Variants in PDE1A observed in about 807,000 individuals in gnomAD.
PDE1A encodes phosphodiesterase 1A.
In PDE1A, 35 loss-of-function variants were observed where a neutral mutation model predicts 61.7. The observed-to-expected ratio is 0.57, with a 90% CI of 0.43 to 0.75. The LOEUF (loss-of-function observed/expected upper bound fraction) is 0.75. Among genes scored for constraint, PDE1A ranks in the 30% least tolerant of loss-of-function variants. The pLI is 0.00. For synonymous variants in PDE1A, 232 were observed against 213.2 expected (o/e 1.09, Z -0.77); for missense variants, 597 against 630.6 (o/e 0.95, Z 0.57).
At chr2:182,510,538 T>G (rs1473395186) in intron 2 of PDE1A, among the ~76,000 whole-genome samples, 1 of 152,168 alleles carries the variant, frequency 6.6e-6, no homozygotes, top group African/African-American at 2.4e-5. Context: ...CAGCATTTTC[T>G]AAAATGAGTC....
chr2:182,148,397 G>A (rs538387245), intron 13 of PDE1A, among the ~76,000 whole-genome samples: 1 of 152,286 alleles, frequency 6.6e-6, no homozygotes, highest in Non-Finnish European at 1.5e-5. Context: ...CAGCAGTGTT[G>A]TAGGATGGCT....
intron 1 of PDE1A, among the ~76,000 whole-genome samples, chr2:182,344,192 GC>G (rs1282386137): frequency 1.3e-5 from 2 of 151,904 alleles, no homozygotes; most frequent in African/African-American, 4.8e-5. Flanking sequence ...TATTTTTGAA[GC>G]CATCACTGAA....
At chr2:182,292,715 ATAAAT>A (rs1344930656) in intron 1 of PDE1A, among the ~76,000 whole-genome samples, 4 of 152,070 alleles carry the variant, frequency 2.6e-5, no homozygotes, top group African/African-American at 9.7e-5. Flanking sequence ...TCAGGAGAAC[ATAAAT>A]TAAGTAGTAA....
At chr2:182,187,776 ACT>A (rs1488105809) in intron 11 of PDE1A, among the ~76,000 whole-genome samples, 2 of 110,622 alleles carry the variant, frequency 1.8e-5, no homozygotes, top group African/African-American at 3.7e-5. Context: ...ATGGAGTCTC[ACT>A]CTGTTGCCCA....
intron 2 of PDE1A, among the ~76,000 whole-genome samples, chr2:182,503,511 C>T (rs1369161531): frequency 2.0e-5 from 3 of 152,138 alleles, no homozygotes; most frequent in Non-Finnish European, 2.9e-5. Context: ...TTTCTCCTAC[C>T]TGTACTACAG....
intron 1 of PDE1A, among the ~76,000 whole-genome samples, chr2:182,402,028 A>C (rs1702028409): frequency 1.3e-5 from 2 of 152,190 alleles, no homozygotes; most frequent in Non-Finnish European, 2.9e-5. Context: ...ATGAGAAGAC[A>C]CAAACAAATG....
At chr2:182,443,626 G>A (rs1385968884) in intron 2 of PDE1A, among the ~76,000 whole-genome samples, 2 of 151,706 alleles carry the variant, frequency 1.3e-5, no homozygotes, top group African/African-American at 4.8e-5. Context: ...AGTTTCGTAT[G>A]GCCTCCCCAG....
intron 2 of PDE1A, among the ~76,000 whole-genome samples, chr2:182,506,728 GT>G (rs1689436312): frequency 6.6e-6 from 1 of 152,182 alleles, no homozygotes; most frequent in African/African-American, 2.4e-5. Context: ...TGTCTTTGTG[GT>G]TGCAAAGAGG....
In PDE1A at chr2:182,339,226, G is replaced by A. The variant is rs142236550; in HGVS notation, c.54-74812C>T. Among the ~76,000 whole-genome samples the A allele has an allele frequency of 2.0e-4, 30 of 152,184 alleles. No individual in the cohort carries two copies. In the East Asian group the frequency reaches 5.8e-3, roughly 29 times the overall value. On this transcript the variant is annotated intron_variant, in intron 1 of 13. Coordinates refer to ENST00000351439, the Ensembl canonical transcript of PDE1A. The stretch of plus-strand genomic sequence containing the variant: ...ACCACTTCCACTTGTTTAATAGATT[G>A]TGAAGACTTTCAATGAAATTTGTAT...
chr2:182,161,084 T>C (rs563995485), intron 13 of PDE1A, among the ~76,000 whole-genome samples: 198 of 152,282 alleles, frequency 1.3e-3, no homozygotes, highest in Non-Finnish European at 2.1e-3. Flanking sequence ...ATGAAGTTAG[T>C]TGGGTGCTCT....
At chr2:182,380,749 T>A (rs1700687469) in intron 1 of PDE1A, among the ~76,000 whole-genome samples, 1 of 152,226 alleles carries the variant, frequency 6.6e-6, no homozygotes, top group South Asian at 2.1e-4. Context: ...ATAAGGATTA[T>A]TATTTGAGGA....
the PDE1A span, among the ~76,000 whole-genome samples, chr2:182,565,187 T>C: frequency 6.6e-6 from 1 of 152,302 alleles, no homozygotes; most frequent in African/African-American, 2.4e-5. Context: ...TGTGGTTTTA[T>C]CTACTTTTGG....
intron 2 of PDE1A, among the ~76,000 whole-genome samples, chr2:182,451,440 T>C (rs1685512527): frequency 6.6e-6 from 1 of 151,934 alleles, no homozygotes; most frequent in African/African-American, 2.4e-5. Context: ...AGTATGTATG[T>C]GGACATATGA....
At chr2:182,634,334 C>T in the PDE1A span, among the ~76,000 whole-genome samples, 1 of 152,064 alleles carries the variant, frequency 6.6e-6, no homozygotes, top group Non-Finnish European at 1.5e-5. Context: ...TAGTGTGAAC[C>T]ACACGTAATG....
intron 2 of PDE1A, among the ~76,000 whole-genome samples, chr2:182,467,057 A>G (rs1291768858): frequency 6.6e-6 from 1 of 151,766 alleles, no homozygotes; most frequent in Non-Finnish European, 1.5e-5. Context: ...TATCTTGGGA[A>G]GGAGAAAGAA....
At chr2:182,534,800 G>A in the PDE1A span, among the ~76,000 whole-genome samples, 1 of 151,332 alleles carries the variant, frequency 6.6e-6, no homozygotes, top group Non-Finnish European at 1.5e-5. Flanking sequence ...AGTTAAATTT[G>A]TTGAATTCGT....
At chr2:182,274,939 G>C (rs746907906) in intron 1 of PDE1A, among the ~76,000 whole-genome samples, 17 of 152,060 alleles carry the variant, frequency 1.1e-4, no homozygotes, top group Non-Finnish European at 1.8e-4. Context: ...ATAAACTTCT[G>C]AGTTGCTTAG....
intron 1 of PDE1A, among the ~76,000 whole-genome samples, chr2:182,326,722 T>C (rs562104517): frequency 2.0e-5 from 3 of 152,322 alleles, no homozygotes; most frequent in East Asian, 3.9e-4. Context: ...TATGTTATTT[T>C]ATCACAATAA....
chr2:182,530,224 G>A, the PDE1A span, among the ~76,000 whole-genome samples: 3 of 122,990 alleles, frequency 2.4e-5, no homozygotes, highest in East Asian at 3.0e-4. Flanking sequence ...ACAAGAGACA[G>A]TATCCTTATG....
Sources: gnomAD v4.1 joint callset for allele counts (sites outside exome capture counted in the v4.1 genomes callset) on GRCh38, gnomAD v4.1.1 for gene constraint, MANE v1.5 for transcripts, NCBI Gene and HGNC (gene_info 2026-07-23, HGNC 2026-07-21) for gene names.